TENM3: variants seen among roughly 807,000 people sequenced by gnomAD.
The protein encoded by TENM3 is teneurin transmembrane protein 3.
A neutral mutation model predicts 255.1 loss-of-function variants in TENM3; 63 were observed. That is an observed-to-expected ratio of 0.25 (90% CI 0.20 to 0.30). The LOEUF (loss-of-function observed/expected upper bound fraction) is 0.30. Among genes scored for constraint, TENM3 ranks in the 10% least tolerant of loss-of-function variants. The pLI is 1.00. For synonymous variants in TENM3, 1,306 were observed against 1,322.3 expected (o/e 0.99, Z 0.27); for missense variants, 2,929 against 3,461.1 (o/e 0.85, Z 3.86).
chr4:181,997,604 A>C, the TENM3 span, among the ~76,000 whole-genome samples: 1 of 152,198 alleles, frequency 6.6e-6, no homozygotes, highest in South Asian at 2.1e-4. Context: ...ACATGGTAGT[A>C]AAGAGTAAAG....
chr4:182,145,553 C>A (rs1749903282), intron 1 of TENM3, among the ~76,000 whole-genome samples: 1 of 152,204 alleles, frequency 6.6e-6, no homozygotes, highest in Admixed American at 6.5e-5. Flanking sequence ...TCCATTCTTA[C>A]TGCCTCACCT....
rs530829320 is a variant in TENM3 at position 182,656,555 on chromosome 4, A to C, written c.1111+2662A>C. 2.0e-5 allele frequency among the ~76,000 whole-genome samples: 3 copies of C among 152,242 alleles called. No individual in the cohort carries two copies. The South Asian group carries it at 6.2e-4, about 32-fold the overall frequency. ...ACCACCACCCACCACCCACTACTTAAATTTTATATGCTATCCAAGAAGCAG... is the reference window on the plus strand; with the variant it reads ...ACCACCACCCACCACCCACTACTTACATTTTATATGCTATCCAAGAAGCAG... On this transcript the variant is annotated intron_variant, in intron 6 of 27. Transcript: ENST00000511685.
intron 3 of TENM3, among the ~76,000 whole-genome samples, chr4:182,574,940 A>G (rs1257164765): frequency 6.6e-6 from 1 of 152,128 alleles, no homozygotes; most frequent in Non-Finnish European, 1.5e-5. Flanking sequence ...TTATCTCCCC[A>G]ACTTTTGCTA....
chr4:182,176,033 T>C (rs1752466747), intron 1 of TENM3, among the ~76,000 whole-genome samples: 1 of 152,040 alleles, frequency 6.6e-6, no homozygotes, highest in South Asian at 2.1e-4. Flanking sequence ...GTTAGTAATG[T>C]TTTTAGTTAT....
At chr4:182,739,129 T>C (rs1264570294) in intron 18 of TENM3, among the ~76,000 whole-genome samples, 1 of 151,910 alleles carries the variant, frequency 6.6e-6, no homozygotes, top group African/African-American at 2.4e-5. Context: ...CTTGACTTGG[T>C]GAATATTAGG....
intron 4 of TENM3, among the ~76,000 whole-genome samples, chr4:182,624,298 G>C (rs1750614019): frequency 6.6e-6 from 1 of 152,180 alleles, no homozygotes; most frequent in Non-Finnish European, 1.5e-5. Flanking sequence ...CTTTCCCCCA[G>C]AGGGTTTTCA....
At position 182,623,351 on chromosome 4, in the gene TENM3, G is replaced by A. The variant is rs1211327538; in HGVS notation, c.750-5300G>A. ...CAGAGTCTTACTCTGTCACCAGGCTGGAATGCAGTGGTGTAGTCTCAGCTC... is the reference window on the plus strand; with the variant it reads ...CAGAGTCTTACTCTGTCACCAGGCTAGAATGCAGTGGTGTAGTCTCAGCTC... On this transcript the variant is annotated intron_variant, in intron 4 of 27. Coordinates refer to ENST00000511685, the MANE Select transcript of TENM3 (RefSeq NM_001080477.4). Among the ~76,000 whole-genome samples, 3 of 151,122 alleles carry A rather than the reference G, an allele frequency of 2.0e-5. No individual in the cohort carries two copies. In the East Asian group the frequency reaches 5.9e-4, roughly 30 times the overall value.
chr4:181,946,867 G>A, the TENM3 span, among the ~76,000 whole-genome samples: 9 of 152,098 alleles, frequency 5.9e-5, no homozygotes, highest in African/African-American at 2.2e-4. Context: ...CCACTCCTTG[G>A]TTCATGTCTG....
At chr4:181,499,898 G>A in the TENM3 span, among the ~76,000 whole-genome samples, 3 of 152,142 alleles carry the variant, frequency 2.0e-5, no homozygotes, top group Non-Finnish European at 4.4e-5. Flanking sequence ...CAGAAGTGGC[G>A]CAGTCTAGAA....
At chr4:181,878,882 T>A in the TENM3 span, among the ~76,000 whole-genome samples, 1 of 152,160 alleles carries the variant, frequency 6.6e-6, no homozygotes. Context: ...TACCTCTCTA[T>A]CTATCTATAT....
rs781543090 is a variant in TENM3, at chr4:182,754,523, G to A, written c.4156G>A (p.Val1386Ile). Residue 1386 changes from valine to isoleucine, a missense_variant, in exon 22 of 28, where the codon GTT (valine) becomes ATT (isoleucine). Transcript: ENST00000511685. This position sits in a 1 kb window ranked among gnomAD's most constrained non-coding sequence, Gnocchi z 5.1. ...TGCTGGACGGCCCATGCACTGTCAGGTTCCCGGAGTGGAATATCCTGTGGG... is the reference window on the plus strand; with the variant it reads ...TGCTGGACGGCCCATGCACTGTCAGATTCCCGGAGTGGAATATCCTGTGGG... ...IAAGRPMHCQ[V>I]PGVEYPVGKH... 1.1e-5 allele frequency: 18 copies of A among 1,613,824 alleles called. No individual in the cohort carries two copies. The Admixed American group carries it at 2.7e-4, about 24-fold the overall frequency.
intron 12 of TENM3, among the ~76,000 whole-genome samples, chr4:182,707,553 A>G (rs1758375373): frequency 6.6e-6 from 1 of 152,236 alleles, no homozygotes; most frequent in Non-Finnish European, 1.5e-5. Flanking sequence ...AGAAGCACCT[A>G]GAGGGGAGAT....
the TENM3 span, among the ~76,000 whole-genome samples, chr4:182,092,933 T>A: frequency 6.6e-6 from 1 of 152,190 alleles, no homozygotes; most frequent in Admixed American, 6.5e-5. Context: ...GATTTCTCCA[T>A]GCCTATCTAA....
the TENM3 span, among the ~76,000 whole-genome samples, chr4:181,718,712 CTTT>C: frequency 6.6e-6 from 1 of 152,008 alleles, no homozygotes; most frequent in East Asian, 1.9e-4. Flanking sequence ...CATTTTTTTT[CTTT>C]GTTTCACTCT....
the TENM3 span, among the ~76,000 whole-genome samples, chr4:181,859,839 G>GA: frequency 4.8e-4 from 71 of 147,182 alleles, no homozygotes; most frequent in East Asian, 1.6e-3. Context: ...TACATGAGCA[G>GA]AAAAAAAAAA....
intron 3 of TENM3, among the ~76,000 whole-genome samples, chr4:182,515,583 TATTA>T (rs2151745586): frequency 6.6e-6 from 1 of 152,328 alleles, no homozygotes; most frequent in South Asian, 2.1e-4. Flanking sequence ...ATATGTATTT[TATTA>T]ATTACTGTAT....
the TENM3 span, among the ~76,000 whole-genome samples, chr4:181,641,392 G>T: frequency 4.0e-5 from 6 of 150,768 alleles, no homozygotes; most frequent in South Asian, 6.3e-4. Flanking sequence ...GTCCACGTTT[G>T]CTCATTGTTC....
rs935994870 is a variant in TENM3, at chr4:182,217,701, C to A, written c.-76+72947C>A. On this transcript the variant is annotated intron_variant, in intron 1 of 2. Transcript: ENST00000512480. Reference sequence around the variant, plus strand: ...GCCAACATGTGGTAGAACTGAGACTCGAATCTAGGCAGTTTGTTCCAATTT... The same window carrying A: ...GCCAACATGTGGTAGAACTGAGACTAGAATCTAGGCAGTTTGTTCCAATTT... Among the ~76,000 whole-genome samples, 47 of 152,108 alleles carry A rather than the reference C, an allele frequency of 3.1e-4. 1 individual carries two copies. Among genetic ancestry groups the A allele is most frequent in the African/African-American group, 1.1e-3 (46 of 41,410 alleles).
At chr4:182,767,961 G>A (rs1160914228) in intron 22 of TENM3, among the ~76,000 whole-genome samples, 5 of 152,246 alleles carry the variant, frequency 3.3e-5, no homozygotes, top group African/African-American at 9.6e-5. Flanking sequence ...CTCTCACTCC[G>A]GCTTCCCTAG....
Sources: gnomAD v4.1 joint callset for allele counts (sites outside exome capture counted in the v4.1 genomes callset) on GRCh38, gnomAD v4.1.1 for gene constraint, Gnocchi (gnomAD v3.1) non-coding constraint, MANE v1.5 for transcripts, NCBI Gene and HGNC (gene_info 2026-07-23, HGNC 2026-07-21) for gene names.